RNF167: variants seen among roughly 807,000 people sequenced by gnomAD.
RNF167 encodes the protein ring finger protein 167.
In RNF167, 19 loss-of-function variants were observed where a neutral mutation model predicts 34.8. The observed-to-expected ratio is 0.55, with a 90% CI of 0.38 to 0.80. The LOEUF (loss-of-function observed/expected upper bound fraction) is 0.80, where lower values mean the gene tolerates loss of function less well. Ranked by LOEUF, RNF167 falls within the 30% of genes least tolerant of loss-of-function variation. RNF167 has a pLI of 0.00. For synonymous variants in RNF167, 200 were observed against 170.4 expected, an observed-to-expected ratio of 1.17 and a Z score of -1.35; for missense variants, 464 against 447.0, an observed-to-expected ratio of 1.04 and a Z score of -0.34.
At chr17:4,942,303 A>T (rs1323609623) in intron 3 of RNF167, 38 bp from the exon 4 acceptor site, 2 of 1,607,390 alleles carry the variant, frequency 1.2e-6, no homozygotes, top group Non-Finnish European at 1.7e-6. Flanking sequence ...AGAATCTAGA[A>T]AGGAGAAATC....
rs912365073 is a variant in RNF167, at chr17:4,943,363, G to C, written c.577-63G>C. ...GGATCTGGAGTTGGGAGATGGGAGT[G>C]GCTTGTCCTAGATTGTCTAGTTTTG... On this transcript the variant is annotated intron_variant, in intron 7 of 9. Coordinates refer to ENST00000262482, the MANE Select transcript of RNF167 (RefSeq NM_015528.3). 7 of 1,584,960 alleles carry C rather than the reference G, an allele frequency of 4.4e-6. No homozygotes were observed. The African/African-American group carries it at 9.4e-5, about 21-fold the overall frequency.
At position 4,945,019 on chromosome 17, in the gene RNF167, A is replaced by C; in HGVS notation, c.*3A>C. The C allele has an allele frequency of 1.3e-6, 2 of 1,524,298 alleles. No individual in the cohort carries two copies. The highest frequency in any genetic ancestry group is 1.4e-5 in the African/African-American group (1 of 71,520). The allele number at this position is 1,524,298 out of a possible 1,614,324, so 94.4% of individuals were successfully genotyped here. On this transcript the variant is annotated 3_prime_UTR_variant, in exon 10 of 10. Coordinates refer to ENST00000262482, the MANE Select transcript of RNF167 (RefSeq NM_015528.3). Reference sequence around the variant, plus strand: ...CTTCCCCTGTTATCCTGGTCTAATAACCCCCCACACATACACCTCTGGTGA... The same window carrying C: ...CTTCCCCTGTTATCCTGGTCTAATACCCCCCCACACATACACCTCTGGTGA...
In RNF167 at chr17:4,944,425, C is replaced by T. The variant is rs570705644; in HGVS notation, c.671-133C>T. On this transcript the variant is annotated intron_variant, in intron 8 of 9. Coordinates refer to ENST00000262482, the MANE Select transcript of RNF167 (RefSeq NM_015528.3). ...AAATTCTTCCATGTTCTGCCCTGACCTTATCCTGCCTACCTGTCTTATCTC... is the reference window on the plus strand; with the variant it reads ...AAATTCTTCCATGTTCTGCCCTGACTTTATCCTGCCTACCTGTCTTATCTC... 5.5e-6 allele frequency: 8 copies of T among 1,451,356 alleles called. No homozygotes were observed. The Admixed American group carries it at 1.8e-4, about 32-fold the overall frequency. 89.9% of individuals were successfully genotyped at this position (1,451,356 alleles called of 1,614,324 possible).
At chr17:4,940,440 C>T (rs1970671092) in intron 1 of RNF167, 47 bp from the exon 2 acceptor site, 1 of 159,976 alleles carries the variant, frequency 6.3e-6, no homozygotes. Flanking sequence ...CTTCCATCTC[C>T]ACAGGCAGTC....
intron 3 of RNF167, among the ~76,000 whole-genome samples, chr17:4,941,570 C>A (rs542457086): frequency 2.0e-5 from 3 of 152,138 alleles, no homozygotes; most frequent in Admixed American, 6.6e-5. Context: ...AAAGTAGATA[C>A]GCAATTTTGG....
At position 4,940,519 on chromosome 17, in the gene RNF167, C is replaced by T. The variant is rs139794857; in HGVS notation, c.-391C>T. On this transcript the variant is annotated 5_prime_UTR_variant, in exon 2 of 10. Transcript: ENST00000262482. ...AGTCCTTCATCTCAAGCATCCAATG[C>T]TGAAAGCGGCCTGATTTTCTCTACC... is the stretch of plus-strand genomic sequence containing the variant. 5.2e-4 allele frequency: 99 copies of T among 190,042 alleles called. No homozygotes were observed. In the East Asian group the frequency reaches 0.011, roughly 20 times the overall value. The allele number at this position is 190,042 out of a possible 1,614,324, so 11.8% of individuals were successfully genotyped here. A position where few individuals can be genotyped will look rare whatever the true frequency, so the allele number is the denominator to read the frequency against.
chr17:4,944,439 C>T (rs1368280200), intron 8 of RNF167, 119 bp from the exon 9 acceptor site: 2 of 1,472,392 alleles, frequency 1.4e-6, no homozygotes, highest in South Asian at 2.9e-5. Context: ...TCCTGCCTAC[C>T]TGTCTTATCT....
chr17:4,940,933 T>G lies in RNF167; in HGVS notation c.24T>G (p.Leu8=), dbSNP rs1202633943. 1.9e-6 allele frequency: 3 copies of G among 1,609,350 alleles called. No homozygotes were observed. Among genetic ancestry groups the G allele is most frequent in the Non-Finnish European group, 2.5e-6 (3 of 1,176,990 alleles). ...CCATGCACCCTGCAGCCTTCCCGCTTCCTGTGGTTGTGGCCGCTGTGCTGT... is the reference window on the plus strand; with the variant it reads ...CCATGCACCCTGCAGCCTTCCCGCTGCCTGTGGTTGTGGCCGCTGTGCTGT... The part of the protein sequence containing the change: MHPAAFP[L]PVVVAAVLWG... The change falls in exon 2 of 10, where the codon CTT becomes CTG. Residue 8 remains leucine, a synonymous_variant. Transcript: ENST00000262482.
At chr17:4,943,125 T>G (rs1483373975) in intron 6 of RNF167, 54 bp from the exon 7 acceptor site, 2 of 1,525,354 alleles carry the variant, frequency 1.3e-6, no homozygotes, top group African/African-American at 2.7e-5. Context: ...TTGTCCCTCT[T>G]TTTTTCTCCC....
Position 4,941,122 on chromosome 17 carries a change from CTGTT to C in RNF167, c.133_136del (p.Phe45GlyfsTer4), listed in dbSNP as rs778274211. ...CATGGACTTTGCAGACCTTCCAGCTCTGTTTGGGGCTACCTTGAGCCAGGAGGGC... is the reference window on the plus strand; with the variant it reads ...CATGGACTTTGCAGACCTTCCAGCTCTGGGGCTACCTTGAGCCAGGAGGGC... On this transcript the variant is annotated frameshift_variant, in exon 3 of 10. Coordinates refer to ENST00000262482, the MANE Select transcript of RNF167 (RefSeq NM_015528.3). LOFTEE classifies it high-confidence loss of function. 45 of 1,614,222 alleles carry C rather than the reference CTGTT, an allele frequency of 2.8e-5. No individual in the cohort carries two copies. The highest frequency in any genetic ancestry group is 3.4e-5 in the Non-Finnish European group (40 of 1,180,024).
At chr17:4,940,113 T>G, upstream of RNF167, 1 of 438,454 alleles carries the variant, frequency 2.3e-6, no homozygotes, top group South Asian at 5.6e-5. Flanking sequence ...AGGAGCTTGA[T>G]GGAAGCGTGC....
rs748652782 is a variant in RNF167, at chr17:4,942,879, G to A, written c.408G>A (p.Pro136=). ...AAATCCAGCAGCAGATCTGGATCCC[G>A]TCTGTATTTATTGGGGAGAGAAGCT... ...SEEIQQQIWI[P]SVFIGERSSE... is the part of the protein sequence containing the mutation. The change falls in exon 6 of 10, where the codon CCG becomes CCA. Residue 136 remains proline (P), a synonymous_variant. Transcript: ENST00000262482. 3.6e-5 allele frequency: 58 copies of A among 1,614,048 alleles called. No homozygotes were observed. The highest frequency in any genetic ancestry group is 2.9e-4 in the East Asian group (13 of 44,894).
intron 8 of RNF167, 63 bp downstream of exon 8, chr17:4,943,582 G>A (rs1971056155): frequency 3.0e-6 from 4 of 1,334,256 alleles, no homozygotes; most frequent in African/African-American, 1.4e-5. Flanking sequence ...AGGACTTTGA[G>A]CCCAGAAGAT....
chr17:4,943,746 G>A (rs548395561), intron 8 of RNF167, among the ~76,000 whole-genome samples: 1 of 152,322 alleles, frequency 6.6e-6, no homozygotes, highest in South Asian at 2.1e-4. Context: ...AAAAGTCCCA[G>A]CACTTTAGGA....
chr17:4,940,408 G>A (rs1437391184), intron 1 of RNF167, 48 bp downstream of exon 1: 3 of 158,834 alleles, frequency 1.9e-5, no homozygotes, highest in Non-Finnish European at 4.1e-5. Flanking sequence ...TTATTAGGTC[G>A]TCTTCTGGGC....
Position 4,945,082 on chromosome 17 carries a change from TGAGG to T in RNF167, c.*69_*72del, listed in dbSNP as rs1319186262. On this transcript the variant is annotated 3_prime_UTR_variant, in exon 10 of 10. Coordinates refer to ENST00000262482, the MANE Select transcript of RNF167 (RefSeq NM_015528.3). ...GACCGTCGTCTTCCCTCCAGTCTTC[TGAGG>T]GATAGGGGACATTCCATCCCAAGCT... The T allele has an allele frequency of 3.0e-6, 4 of 1,354,110 alleles. No homozygotes were observed. Among genetic ancestry groups the T allele is most frequent in the Non-Finnish European group, 4.0e-6 (4 of 995,610 alleles). The allele number at this position is 1,354,110 out of a possible 1,614,324, so 83.9% of individuals were successfully genotyped here. A position where few individuals can be genotyped will look rare whatever the true frequency, so the allele number is the denominator to read the frequency against.
In RNF167 at chr17:4,941,259, T is replaced by C. The variant is rs1055188467; in HGVS notation, c.165+102T>C. On this transcript the variant is annotated intron_variant, in intron 3 of 9. Transcript: ENST00000262482. ...CAAGATCCTCCATCCTAGGCTGGGG[T>C]TGGGGAGGTTTGTCCTGGGTGAAAC... 4 of 1,068,078 alleles carry C rather than the reference T, an allele frequency of 3.7e-6. No individual in the cohort carries two copies. In the East Asian group the frequency reaches 1.0e-4, roughly 28 times the overall value. The allele number at this position is 1,068,078 out of a possible 1,614,324, so 66.2% of individuals were successfully genotyped here.
chr17:4,944,021 A>G (rs1971114100), intron 8 of RNF167, among the ~76,000 whole-genome samples: 1 of 152,214 alleles, frequency 6.6e-6, no homozygotes, highest in Non-Finnish European at 1.5e-5. Context: ...TAAAGATGGC[A>G]GTAGGAAGGT....
chr17:4,941,255 G>T, intron 3 of RNF167, 98 bp downstream of exon 3: 1 of 1,149,044 alleles, frequency 8.7e-7, no homozygotes, highest in Non-Finnish European at 1.3e-6. Context: ...ATCCTAGGCT[G>T]GGGTTGGGGA....
Sources: allele counts gnomAD v4.1 joint callset (sites outside exome capture counted in the v4.1 genomes callset), GRCh38; gene constraint gnomAD v4.1.1; transcripts MANE v1.5; gene names NCBI Gene and HGNC (gene_info 2026-07-23, HGNC 2026-07-21).